The following TLL1 variants were observed in gnomAD, a reference collection of about 807,000 sequenced individuals.
TLL1 encodes tolloid-like protein 1.
Under a neutral mutation model 128.2 loss-of-function variants are expected in TLL1, and 49 were observed. The ratio of observed to expected loss-of-function variants is 0.38; its 90% CI spans 0.30 to 0.48. The LOEUF (loss-of-function observed/expected upper bound fraction) is 0.48. TLL1 is among the 20% of genes least tolerant of loss of function. The pLI, the probability that TLL1 is intolerant of heterozygous loss-of-function variation, is 0.96. For missense variants in TLL1, 1,123 were observed against 1,242.0 expected (o/e 0.90, Z 1.44); for synonymous variants, 454 against 418.8 (o/e 1.08, Z -1.03).
intron 18 of TLL1, among the ~76,000 whole-genome samples, chr4:166,079,486 A>G (rs776614151): frequency 6.6e-6 from 1 of 151,882 alleles, no homozygotes; most frequent in Non-Finnish European, 1.5e-5. Context: ...ATAGTTTTCC[A>G]TACTTCTTTT....
intron 15 of TLL1, among the ~76,000 whole-genome samples, chr4:166,065,326 G>T (rs1407658619): frequency 1.3e-5 from 2 of 152,032 alleles, no homozygotes; most frequent in Admixed American, 1.3e-4. Context: ...TACTAATGGT[G>T]CTGTTCTCAT....
chr4:166,095,355 G>T (rs1263088249), intron 19 of TLL1, among the ~76,000 whole-genome samples: 1 of 151,804 alleles, frequency 6.6e-6, no homozygotes, highest in East Asian at 1.9e-4. Flanking sequence ...ATTTTAATAG[G>T]TAACAAACAG....
At chr4:166,079,610 T>G (rs1314903602) in intron 18 of TLL1, among the ~76,000 whole-genome samples, 1 of 152,138 alleles carries the variant, frequency 6.6e-6, no homozygotes, top group Non-Finnish European at 1.5e-5. Flanking sequence ...TATGTGTTTG[T>G]GTGTGTGTAT....
chr4:166,050,315 A>G lies in TLL1; in HGVS notation c.1525-4761A>G, dbSNP rs143688056. ...TGGAATAATATTCCATTGTATGTGT[A>G]TACCACATTTTATTTATCCATTCAT... On this transcript the variant is annotated intron_variant, in intron 12 of 20. Transcript: ENST00000061240. 1.2e-4 allele frequency among the ~76,000 whole-genome samples: 19 copies of G among 152,326 alleles called. No individual in the cohort carries two copies. In the East Asian group the frequency reaches 2.1e-3, roughly 17 times the overall value.
intron 14 of TLL1, among the ~76,000 whole-genome samples, chr4:166,058,193 A>G (rs1740120621): frequency 6.6e-6 from 1 of 152,034 alleles, no homozygotes; most frequent in Non-Finnish European, 1.5e-5. Flanking sequence ...ATGTTACTAT[A>G]TCTAGATCTA....
In TLL1 at chr4:165,971,449, C is replaced by T. The variant is rs141431481; in HGVS notation, c.170-17932C>T. Reference sequence around the variant, plus strand: ...ACAGCACCCCAAATCCTCTGATGATCATGTTAAAGGATTCTGCCAAGACGG... The same window carrying T: ...ACAGCACCCCAAATCCTCTGATGATTATGTTAAAGGATTCTGCCAAGACGG... On this transcript the variant is annotated intron_variant, in intron 1 of 20. Coordinates refer to ENST00000061240, the MANE Select transcript of TLL1 (RefSeq NM_012464.5). Among the ~76,000 whole-genome samples, 644 of 152,290 alleles carry T rather than the reference C, an allele frequency of 4.2e-3. 5 individuals are homozygous for T. Among genetic ancestry groups the T allele is most frequent in the African/African-American group, 0.014 (586 of 41,556 alleles).
chr4:165,943,133 C>A (rs1734094200), intron 1 of TLL1, among the ~76,000 whole-genome samples: 1 of 152,002 alleles, frequency 6.6e-6, no homozygotes, highest in South Asian at 2.1e-4. Context: ...CTTTACTCAG[C>A]ATATGAGTAA....
Position 166,063,542 on chromosome 4 carries a change from G to A in TLL1, c.2008-2141G>A, listed in dbSNP as rs1393102953. 9.2e-5 allele frequency among the ~76,000 whole-genome samples: 14 copies of A among 152,108 alleles called. No individual in the cohort carries two copies. The South Asian group carries it at 2.7e-3, about 29-fold the overall frequency. On this transcript the variant is annotated intron_variant, in intron 15 of 20. Coordinates refer to ENST00000061240, the MANE Select transcript of TLL1 (RefSeq NM_012464.5). ...TGCTGCTTTAAAGACACATGCACAC[G>A]TATGTTTATTGTGGCACTATTGACA...
intron 19 of TLL1, among the ~76,000 whole-genome samples, chr4:166,092,911 C>T (rs1704848396): frequency 6.6e-6 from 1 of 152,124 alleles, no homozygotes; most frequent in South Asian, 2.1e-4. Flanking sequence ...GTTTTCTCAT[C>T]TGTAAAATAA....
intron 1 of TLL1, among the ~76,000 whole-genome samples, chr4:165,881,966 C>G (rs973910195): frequency 6.6e-6 from 1 of 151,958 alleles, no homozygotes; most frequent in African/African-American, 2.4e-5. Context: ...GATTATGAGC[C>G]CATACAGAGT....
At chr4:166,063,260 T>C (rs936823392) in intron 15 of TLL1, among the ~76,000 whole-genome samples, 27 of 152,126 alleles carry the variant, frequency 1.8e-4, no homozygotes, top group Non-Finnish European at 3.7e-4. Flanking sequence ...TCACTGGCCA[T>C]CAGAGAAATG....
chr4:166,006,316 C>CT (rs1296112902), intron 6 of TLL1, among the ~76,000 whole-genome samples: 6 of 151,748 alleles, frequency 4.0e-5, no homozygotes, highest in African/African-American at 1.4e-4. Flanking sequence ...AATAAGTCTA[C>CT]TTTTCTGTTA....
chr4:165,903,054 A>G (rs1732073584), intron 1 of TLL1, among the ~76,000 whole-genome samples: 1 of 152,202 alleles, frequency 6.6e-6, no homozygotes, highest in Non-Finnish European at 1.5e-5. Flanking sequence ...GAAAGTGACA[A>G]TAGGCCGGGT....
intron 1 of TLL1, among the ~76,000 whole-genome samples, chr4:165,962,289 GCCA>G (rs1735144098): frequency 6.6e-6 from 1 of 152,166 alleles, no homozygotes; most frequent in Non-Finnish European, 1.5e-5. Context: ...CTCAAAAGAA[GCCA>G]TACAAGTGGT....
Position 165,974,437 on chromosome 4 carries a change from G to GA in TLL1, c.170-14944_170-14943insA, listed in dbSNP as rs145798564. Among the ~76,000 whole-genome samples the GA allele has an allele frequency of 3.1e-5, 4 of 131,004 alleles. 1 individual carries two copies. Among genetic ancestry groups the GA allele is most frequent in the African/African-American group, 1.8e-4 (4 of 21,896 alleles). The allele number at this position is 131,004 out of a possible 152,430, so 85.9% of individuals were successfully genotyped here. A position where few individuals can be genotyped will look rare whatever the true frequency, so the allele number is the denominator to read the frequency against. ...TTACAGGCGTGAGCCACCGCGCCTG[G>GA]CCTCATCTTTAGTTTTCTCTGCTAT... On this transcript the variant is annotated intron_variant, in intron 1 of 20. Coordinates refer to ENST00000061240, the MANE Select transcript of TLL1 (RefSeq NM_012464.5).
At chr4:165,994,219 C>G (rs1295201335) in intron 3 of TLL1, among the ~76,000 whole-genome samples, 162 bp from the exon 4 acceptor site, 1 of 152,068 alleles carries the variant, frequency 6.6e-6, no homozygotes, top group African/African-American at 2.4e-5. Context: ...TGCTTTTGTT[C>G]AAGTATGTAA....
chr4:165,931,093 T>C (rs1733491325), intron 1 of TLL1, among the ~76,000 whole-genome samples: 1 of 152,188 alleles, frequency 6.6e-6, no homozygotes, highest in Non-Finnish European at 1.5e-5. Context: ...TTGTTGTAAA[T>C]AAAGTTGAAG....
chr4:166,053,472 C>T (rs1398223041), intron 12 of TLL1, among the ~76,000 whole-genome samples: 2 of 152,012 alleles, frequency 1.3e-5, no homozygotes, highest in African/African-American at 4.8e-5. Flanking sequence ...ATGATGCATA[C>T]CAAGCAGAGA....
intron 15 of TLL1, among the ~76,000 whole-genome samples, chr4:166,061,670 T>C (rs1037669020): frequency 3.3e-5 from 5 of 152,050 alleles, no homozygotes; most frequent in Non-Finnish European, 1.5e-5. Context: ...TTAAAGAAAA[T>C]TAAAGTTTGA....
Sources: gnomAD v4.1 joint callset for allele counts (sites outside exome capture counted in the v4.1 genomes callset) on GRCh38, gnomAD v4.1.1 for gene constraint, MANE v1.5 for transcripts, NCBI Gene and HGNC (gene_info 2026-07-23, HGNC 2026-07-21) for gene names.